ERLIN1: variants seen among roughly 807,000 people sequenced by gnomAD.
The protein encoded by ERLIN1 is ER lipid raft associated 1.
Under a neutral mutation model 46.9 loss-of-function variants are expected in ERLIN1, and 24 were observed. The ratio of observed to expected loss-of-function variants is 0.51; its 90% CI spans 0.37 to 0.72. ERLIN1 has a LOEUF of 0.72. ERLIN1 is among the 30% of genes least tolerant of loss of function. ERLIN1 has a pLI of 0.00. For missense variants in ERLIN1, 293 were observed against 417.9 expected (o/e 0.70, Z 2.61); for synonymous variants, 158 against 143.2 (o/e 1.10, Z -0.74).
intron 2 of ERLIN1, among the ~76,000 whole-genome samples, chr10:100,183,216 G>C (rs1476568518): frequency 6.6e-6 from 1 of 152,162 alleles, no homozygotes; most frequent in Non-Finnish European, 1.5e-5. Context: ...CCATGGCCAA[G>C]ACACTTTTCG....
chr10:100,181,513 C>CTTT (rs34628060), intron 2 of ERLIN1, among the ~76,000 whole-genome samples: 97 of 126,948 alleles, frequency 7.6e-4, no homozygotes, highest in African/African-American at 2.0e-3. Context: ...TAAGAACACT[C>CTTT]TTTTTTTTTT....
At position 100,151,659 on chromosome 10, in the gene ERLIN1, C is replaced by G; in HGVS notation, c.*472G>C. ...TGGATCTTAATCACATGGATGAAGG[C>G]TGGGACTGGATCCCAAAGAAAGGGC... On this transcript the variant is annotated 3_prime_UTR_variant, in exon 11 of 11. Transcript: ENST00000421367. 1 of 221,686 alleles carries G rather than the reference C, an allele frequency of 4.5e-6. No homozygotes were observed. Among genetic ancestry groups the G allele is most frequent in the South Asian group, 6.9e-5 (1 of 14,558 alleles). 13.7% of individuals were successfully genotyped at this position (221,686 alleles called of 1,614,324 possible). A position where few individuals can be genotyped will look rare whatever the true frequency, so the allele number is the denominator to read the frequency against.
At chr10:100,172,789 C>T (rs1485459916) in intron 6 of ERLIN1, among the ~76,000 whole-genome samples, 1 of 152,166 alleles carries the variant, frequency 6.6e-6, no homozygotes, top group Non-Finnish European at 1.5e-5. Flanking sequence ...CATGAATGTT[C>T]ATTACACTAT....
intron 8 of ERLIN1, 96 bp from the exon 9 acceptor site, chr10:100,156,330 A>G: frequency 1.4e-6 from 1 of 737,788 alleles, no homozygotes; most frequent in Admixed American, 2.2e-5. Context: ...ATTTAATTAC[A>G]GAAAGTTTTA....
In ERLIN1 at chr10:100,161,360, G is replaced by T. The variant is rs187886168; in HGVS notation, c.655+2644C>A. On this transcript the variant is annotated intron_variant, in intron 8 of 10. Coordinates refer to ENST00000421367, the MANE Select transcript of ERLIN1 (RefSeq NM_006459.4). ...TAAAAAAGTCAATAAAAAAATAAAG[G>T]TATATAAGAACAAATCTTTAATAAA... Among the ~76,000 whole-genome samples the T allele has an allele frequency of 1.1e-3, 162 of 152,100 alleles. 1 individual carries two copies. Among genetic ancestry groups the T allele is most frequent in the Admixed American group, 3.2e-3 (49 of 15,284 alleles).
At chr10:100,163,953 C>T in intron 8 of ERLIN1, 51 bp downstream of exon 8, 1 of 1,236,506 alleles carries the variant, frequency 8.1e-7, no homozygotes, top group African/African-American at 1.5e-5. Flanking sequence ...TGACAAAGAA[C>T]AGGACAAACA....
intron 8 of ERLIN1, among the ~76,000 whole-genome samples, chr10:100,159,878 A>G (rs1014220536): frequency 6.6e-6 from 1 of 151,898 alleles, no homozygotes; most frequent in Non-Finnish European, 1.5e-5. Flanking sequence ...AAAAAAAAAA[A>G]AAGATGGAAG....
At chr10:100,180,000 G>A (rs990332816) in intron 2 of ERLIN1, among the ~76,000 whole-genome samples, 2 of 152,212 alleles carry the variant, frequency 1.3e-5, no homozygotes, top group Non-Finnish European at 2.9e-5. Flanking sequence ...AAGACTCAAA[G>A]CTGCCCTTGA....
chr10:100,168,627 A>G (rs1843785259), intron 6 of ERLIN1, among the ~76,000 whole-genome samples: 1 of 152,188 alleles, frequency 6.6e-6, no homozygotes, highest in African/African-American at 2.4e-5. Flanking sequence ...GCATTTAATT[A>G]AGAGACTGGC....
intron 1 of ERLIN1, among the ~76,000 whole-genome samples, chr10:100,184,325 G>C (rs73337962): frequency 0.049 from 7,451 of 151,902 alleles, 605 homozygotes; most frequent in African/African-American, 0.17. Flanking sequence ...TAAAATACTG[G>C]GAACATAAAA....
rs779963349 is a variant in ERLIN1, at chr10:100,178,168, C to T, written c.269G>A (p.Arg90Gln). The change falls in exon 4 of 11, where the codon CGA becomes CAA. Residue 90 changes from arginine (R) to glutamine (Q), a missense_variant. Transcript: ENST00000421367. ...TSGGVMIYID[R>Q]IEVVNMLAPY... ...AGCCAACATATTAACCACTTCTATT[C>T]GGTCAATATAGATCATGACCCCACC... is the stretch of plus-strand genomic sequence containing the variant. 16 of 1,578,116 alleles carry T rather than the reference C, an allele frequency of 1.0e-5. No individual in the cohort carries two copies. Among genetic ancestry groups the T allele is most frequent in the African/African-American group, 8.1e-5 (6 of 74,104 alleles).
At chr10:100,169,915 G>GGCTAAGGCA (rs1365842134) in intron 6 of ERLIN1, among the ~76,000 whole-genome samples, 1 of 152,140 alleles carries the variant, frequency 6.6e-6, no homozygotes, top group Non-Finnish European at 1.5e-5. Context: ...CTACTTGGGA[G>GGCTAAGGCA]GCTAAGGCAG....
chr10:100,164,763 C>T (rs1191696145), intron 7 of ERLIN1, among the ~76,000 whole-genome samples: 1 of 151,922 alleles, frequency 6.6e-6, no homozygotes, highest in Non-Finnish European at 1.5e-5. Flanking sequence ...AAATTCCACA[C>T]ATAAGCACTT....
In ERLIN1 at chr10:100,178,144, G is replaced by A; in HGVS notation, c.293C>T (p.Ala98Val). 1 of 1,578,120 alleles carries A rather than the reference G, an allele frequency of 6.3e-7. No homozygotes were observed. The highest frequency in any genetic ancestry group is 8.6e-7 in the Non-Finnish European group (1 of 1,159,466). ...IDRIEVVNML[A>V]PYAVFDIVRN... Reference sequence around the variant, plus strand: ...GATGGGTAACATACCTGCATAAGGAGCCAACATATTAACCACTTCTATTCG... The same window carrying A: ...GATGGGTAACATACCTGCATAAGGAACCAACATATTAACCACTTCTATTCG... The change falls in exon 4 of 11, where the codon GCT (alanine) becomes GTT (valine). Residue 98 changes from alanine to valine, a missense_variant. Physicochemically the swap from Ala to Val is moderately conservative, Grantham distance 64. This residue lies in a region of ERLIN1 where 148 missense variants were observed against 266.5 expected (regional missense o/e 0.56). Transcript: ENST00000421367.
chr10:100,176,773 T>C (rs1844332384), intron 4 of ERLIN1, among the ~76,000 whole-genome samples: 1 of 152,148 alleles, frequency 6.6e-6, no homozygotes, highest in Admixed American at 6.6e-5. Flanking sequence ...ACTTCTGTCT[T>C]CAGATCCAAG....
At chr10:100,175,915 A>G (rs1844267841) in intron 5 of ERLIN1, 30 bp downstream of exon 5, 1 of 1,604,182 alleles carries the variant, frequency 6.2e-7, no homozygotes, top group South Asian at 1.1e-5. Flanking sequence ...CCAATTGGCT[A>G]TTTACATACA....
chr10:100,166,080 T>C (rs1843621289), intron 7 of ERLIN1, among the ~76,000 whole-genome samples: 1 of 152,200 alleles, frequency 6.6e-6, no homozygotes, highest in African/African-American at 2.4e-5. Context: ...AGCCTGGCAG[T>C]CTACATTTTA....
chr10:100,166,192 G>A (rs1843628578), intron 7 of ERLIN1, among the ~76,000 whole-genome samples: 1 of 152,188 alleles, frequency 6.6e-6, no homozygotes, highest in Non-Finnish European at 1.5e-5. Flanking sequence ...GGCCAAGGCA[G>A]GAGGACTGCT....
intron 5 of ERLIN1, among the ~76,000 whole-genome samples, chr10:100,174,790 A>AAGAGAG (rs140430771): frequency 3.3e-5 from 5 of 150,732 alleles, no homozygotes; most frequent in Admixed American, 6.6e-5. Flanking sequence ...TTTGGATTTA[A>AAGAGAG]AGAGAGAGAG....
Sources: allele counts gnomAD v4.1 joint callset (sites outside exome capture counted in the v4.1 genomes callset), GRCh38; gene constraint gnomAD v4.1.1; regional missense constraint gnomAD v4.1.1; transcripts MANE v1.5; gene names NCBI Gene and HGNC (gene_info 2026-07-23, HGNC 2026-07-21).